SEC24A: variants seen among roughly 807,000 people sequenced by gnomAD.
SEC24A encodes the protein protein transport protein Sec24A.
SEC24A carries 93 observed loss-of-function variants against 129.4 expected under a neutral mutation model. That is an observed-to-expected ratio of 0.72 (90% CI 0.61 to 0.85). The LOEUF (loss-of-function observed/expected upper bound fraction) is 0.85, where lower values mean the gene tolerates loss of function less well. SEC24A is among the 40% of genes least tolerant of loss of function. The probability of loss-of-function intolerance (pLI) is 0.00; values close to 1 mark genes in which losing one functional copy is unlikely to be tolerated. For missense variants in SEC24A, 1,264 were observed against 1,307.4 expected, an observed-to-expected ratio of 0.97 and a Z score of 0.51; for synonymous variants, 460 against 467.3, an observed-to-expected ratio of 0.98 and a Z score of 0.20.
At chr5:134,710,183 G>A (rs2150108663) in intron 18 of SEC24A, among the ~76,000 whole-genome samples, 1 of 150,392 alleles carries the variant, frequency 6.6e-6, no homozygotes, top group East Asian at 1.9e-4. Flanking sequence ...ACAGGCATGA[G>A]CTACCACATT....
In SEC24A at chr5:134,649,184, T is replaced by G; in HGVS notation, c.97+11T>G. On this transcript the variant is annotated intron_variant, in intron 1 of 22. Transcript: ENST00000398844. Reference sequence around the variant, plus strand: ...CTCCCTACACCAACGGTGAGTGCTGTCCGGGGGGAGGGCGCAGCCTGGCCA... The same window carrying G: ...CTCCCTACACCAACGGTGAGTGCTGGCCGGGGGGAGGGCGCAGCCTGGCCA... 1.9e-6 allele frequency: 3 copies of G among 1,587,132 alleles called. No individual in the cohort carries two copies. The highest frequency in any genetic ancestry group is 2.6e-6 in the Non-Finnish European group (3 of 1,163,772).
chr5:134,671,741 A>T, intron 3 of SEC24A, 68 bp from the exon 4 acceptor site: 1 of 893,168 alleles, frequency 1.1e-6, no homozygotes, highest in Non-Finnish European at 1.7e-6. Flanking sequence ...TTTGGATATT[A>T]GTTAAAATCA....
chr5:134,697,734 G>C (rs1580723550), intron 14 of SEC24A, among the ~76,000 whole-genome samples, 165 bp from the exon 15 acceptor site: 1 of 152,032 alleles, frequency 6.6e-6, no homozygotes, highest in African/African-American at 2.4e-5. Context: ...CTCCAGCCTG[G>C]GTGACAGAAT....
At chr5:134,666,572 G>A (rs1421471047) in intron 2 of SEC24A, among the ~76,000 whole-genome samples, 3 of 149,584 alleles carry the variant, frequency 2.0e-5, no homozygotes, top group Non-Finnish European at 3.0e-5. Flanking sequence ...AAGGCAGGCA[G>A]GAGAAAAGAA....
At chr5:134,655,306 TCTAA>T (rs1750202272) in intron 1 of SEC24A, among the ~76,000 whole-genome samples, 1 of 152,124 alleles carries the variant, frequency 6.6e-6, no homozygotes, top group African/African-American at 2.4e-5. Flanking sequence ...CATTCTTGCC[TCTAA>T]CTTTCTAATT....
intron 17 of SEC24A, among the ~76,000 whole-genome samples, chr5:134,707,081 C>A (rs1752186652): frequency 1.3e-5 from 2 of 152,330 alleles, no homozygotes; most frequent in African/African-American, 4.8e-5. Flanking sequence ...AAGCAATCCT[C>A]CTGCTTTGGC....
chr5:134,697,264 AT>A lies in SEC24A; in HGVS notation c.2107+28del, dbSNP rs750687916. On this transcript the variant is annotated intron_variant, in intron 14 of 22. Coordinates refer to ENST00000398844, the MANE Select transcript of SEC24A (RefSeq NM_021982.3). ...TTCTCTGGGTAAGTTCTTCGTAATG[AT>A]TTTTTTTTTCCGTTAAATGAATATC... 1.8e-3 allele frequency: 2,641 copies of A among 1,484,622 alleles called. No homozygotes were observed. The highest frequency in any genetic ancestry group is 4.1e-3 in the South Asian group (330 of 79,704). The allele number at this position is 1,484,622 out of a possible 1,614,324, so 92.0% of individuals were successfully genotyped here. A position where few individuals can be genotyped will look rare whatever the true frequency, so the allele number is the denominator to read the frequency against.
intron 15 of SEC24A, among the ~76,000 whole-genome samples, chr5:134,701,992 A>G (rs568395433): frequency 5.9e-5 from 9 of 152,330 alleles, no homozygotes; most frequent in African/African-American, 2.2e-4. Flanking sequence ...GTTCCACTCT[A>G]CAGTTAATCA....
chr5:134,657,858 C>G (rs1750300488), intron 1 of SEC24A, among the ~76,000 whole-genome samples: 1 of 152,180 alleles, frequency 6.6e-6, no homozygotes, highest in Non-Finnish European at 1.5e-5. Context: ...ATTACAAGAT[C>G]AAGCCAACAT....
chr5:134,710,289 A>G (rs748858194), intron 18 of SEC24A, among the ~76,000 whole-genome samples: 40 of 148,414 alleles, frequency 2.7e-4, no homozygotes, highest in Non-Finnish European at 4.3e-4. Context: ...TCGGCTCACC[A>G]CAACCTCCGC....
At chr5:134,715,636 A>G (rs1414154439) in intron 19 of SEC24A, 2 of 156,662 alleles carry the variant, frequency 1.3e-5, no homozygotes, top group African/African-American at 2.4e-5. Context: ...GAGTTGAACA[A>G]TGAGAACACA....
intron 15 of SEC24A, among the ~76,000 whole-genome samples, chr5:134,699,226 A>G (rs749557367): frequency 1.3e-5 from 2 of 150,936 alleles, no homozygotes; most frequent in Non-Finnish European, 2.9e-5. Context: ...CACCACACCC[A>G]GCCACAGATC....
intron 11 of SEC24A, among the ~76,000 whole-genome samples, chr5:134,688,524 A>G (rs978288157): frequency 3.3e-5 from 5 of 152,166 alleles, no homozygotes; most frequent in African/African-American, 1.2e-4. Flanking sequence ...AAAACAAGTT[A>G]ATGTTAGAAC....
At chr5:134,722,086 G>T (rs1752642767) in intron 21 of SEC24A, among the ~76,000 whole-genome samples, 1 of 152,156 alleles carries the variant, frequency 6.6e-6, no homozygotes, top group Non-Finnish European at 1.5e-5. Context: ...TTAGATGAGG[G>T]CTTAGAAACT....
At chr5:134,684,956 G>T (rs768177387) in intron 9 of SEC24A, among the ~76,000 whole-genome samples, 1 of 152,180 alleles carries the variant, frequency 6.6e-6, no homozygotes. Context: ...GGCAGGTTGT[G>T]TGGATTTGGC....
chr5:134,700,907 A>T (rs1751987283), intron 15 of SEC24A, among the ~76,000 whole-genome samples: 1 of 151,920 alleles, frequency 6.6e-6, no homozygotes, highest in African/African-American at 2.4e-5. Flanking sequence ...TTTGGTAGAG[A>T]CAGGGTTTCA....
chr5:134,705,183 C>T, intron 16 of SEC24A, 144 bp from the exon 17 acceptor site: 1 of 473,708 alleles, frequency 2.1e-6, no homozygotes. Context: ...TCAAGGGATC[C>T]TCCTGTCTCT....
rs763947878 is a variant in SEC24A at position 134,675,224 on chromosome 5, C to T, written c.1151+7C>T. The T allele has an allele frequency of 6.2e-7, 1 of 1,602,982 alleles. No homozygotes were observed. Among genetic ancestry groups the T allele is most frequent in the Non-Finnish European group, 8.5e-7 (1 of 1,172,160 alleles). On this transcript the variant is annotated splice_region_variant and intron_variant, in intron 6 of 22. Coordinates refer to ENST00000398844, the MANE Select transcript of SEC24A (RefSeq NM_021982.3). ...AACTCAACTGTAACCCAGAGTAAGG[C>T]TTCAGATGTGACATTATGCATGTCC...
chr5:134,668,445 G>T (rs192050018), intron 3 of SEC24A, among the ~76,000 whole-genome samples: 3 of 152,090 alleles, frequency 2.0e-5, no homozygotes, highest in Non-Finnish European at 4.4e-5. Context: ...AGAAATTAAG[G>T]CCAGGTGCGG....
Sources: gnomAD v4.1 joint callset for allele counts (sites outside exome capture counted in the v4.1 genomes callset) on GRCh38, gnomAD v4.1.1 for gene constraint, MANE v1.5 for transcripts, NCBI Gene and HGNC (gene_info 2026-07-23, HGNC 2026-07-21) for gene names.